Variants in IMMP2L observed in about 807,000 individuals in gnomAD.
IMMP2L encodes inner mitochondrial membrane peptidase subunit 2.
A neutral mutation model predicts 19.3 loss-of-function variants in IMMP2L; 18 were observed. The ratio of observed to expected loss-of-function variants is 0.93; its 90% confidence interval spans 0.64 to 1.38. IMMP2L has a LOEUF of 1.38. Among genes scored for constraint, IMMP2L ranks in the 40% most tolerant of loss-of-function variants. The pLI, the probability that IMMP2L is intolerant of heterozygous loss-of-function variation, is 0.00. For missense variants in IMMP2L, 233 were observed against 218.2 expected (o/e 1.07, Z -0.43); for synonymous variants, 76 against 73.0 (o/e 1.04, Z -0.21).
intron 3 of IMMP2L, among the ~76,000 whole-genome samples, chr7:111,066,405 A>T (rs1794502649): frequency 6.6e-6 from 1 of 152,230 alleles, no homozygotes; most frequent in African/African-American, 2.4e-5. Context: ...ATTTTAAAAT[A>T]TGAAAATATT....
chr7:111,387,975 T>TAAAAAAAAAAAAA (rs750267136), intron 3 of IMMP2L, among the ~76,000 whole-genome samples: 5 of 93,410 alleles, frequency 5.4e-5, no homozygotes, highest in African/African-American at 2.3e-4. Flanking sequence ...ACTCTGTCTT[T>TAAAAAAAAAAAAA]AAAAAAAAAA....
At chr7:111,391,221 C>T (rs1341683800) in intron 3 of IMMP2L, among the ~76,000 whole-genome samples, 1 of 152,044 alleles carries the variant, frequency 6.6e-6, no homozygotes, top group Admixed American at 6.6e-5. Flanking sequence ...GCATCAGGAG[C>T]AGCTCTCTTG....
At position 110,671,752 on chromosome 7, in the gene IMMP2L, T is replaced by C. The variant is rs1463947223; in HGVS notation, c.409-8031A>G. ...CTTGGCTTCAGGTAGTTTCACCCTC[T>C]CTTGAGGGAAAGGCTTGCAAGGACA... is the stretch of plus-strand genomic sequence containing the variant. On this transcript the variant is annotated intron_variant, in intron 5 of 5. Coordinates refer to ENST00000405709, the MANE Select transcript of IMMP2L (RefSeq NM_032549.4). Among the ~76,000 whole-genome samples, 3 of 151,982 alleles carry C rather than the reference T, an allele frequency of 2.0e-5. No individual in the cohort carries two copies. In the East Asian group the frequency reaches 5.8e-4, roughly 29 times the overall value.
intron 3 of IMMP2L, among the ~76,000 whole-genome samples, chr7:111,184,201 T>A (rs546188712): frequency 6.6e-6 from 1 of 152,112 alleles, no homozygotes; most frequent in African/African-American, 2.4e-5. Flanking sequence ...AGAAAAATTA[T>A]AATTATATCA....
intron 3 of IMMP2L, among the ~76,000 whole-genome samples, chr7:111,403,938 C>A (rs1308306429): frequency 6.6e-6 from 1 of 151,992 alleles, no homozygotes; most frequent in Non-Finnish European, 1.5e-5. Context: ...ATTTTTCTAA[C>A]CTATATATTA....
chr7:110,827,771 A>G (rs1325746204), intron 5 of IMMP2L, among the ~76,000 whole-genome samples: 1 of 152,146 alleles, frequency 6.6e-6, no homozygotes, highest in Non-Finnish European at 1.5e-5. Context: ...ATACTTGAAT[A>G]CAGCTATTGT....
intron 5 of IMMP2L, among the ~76,000 whole-genome samples, chr7:110,735,976 C>T (rs536402580): frequency 6.7e-6 from 1 of 150,012 alleles, no homozygotes; most frequent in South Asian, 2.1e-4. Context: ...TTTCAAAAAA[C>T]AGCCCAGGGC....
intron 3 of IMMP2L, among the ~76,000 whole-genome samples, chr7:111,187,332 C>T (rs921677721): frequency 6.6e-6 from 1 of 152,114 alleles, no homozygotes; most frequent in Non-Finnish European, 1.5e-5. Context: ...GGCCACCAGG[C>T]TCTCCCTTTT....
chr7:111,117,935 C>A (rs1021605050), intron 3 of IMMP2L, among the ~76,000 whole-genome samples: 1 of 152,092 alleles, frequency 6.6e-6, no homozygotes, highest in African/African-American at 2.4e-5. Flanking sequence ...TGTTCTTAAG[C>A]TTTAGCATTG....
intron 3 of IMMP2L, chr7:111,483,598 T>C (rs911157212): frequency 2.6e-5 from 4 of 152,060 alleles, no homozygotes; most frequent in African/African-American, 9.7e-5. Context: ...AAGAAAGATA[T>C]GCAAAAAAAT....
At chr7:111,014,678 G>A (rs1454771784) in intron 3 of IMMP2L, among the ~76,000 whole-genome samples, 1 of 152,056 alleles carries the variant, frequency 6.6e-6, no homozygotes, top group South Asian at 2.1e-4. Flanking sequence ...TATATTTGAT[G>A]AGGGGCTAAT....
intron 3 of IMMP2L, among the ~76,000 whole-genome samples, chr7:111,125,721 GATTAA>G (rs967029243): frequency 6.7e-6 from 1 of 149,532 alleles, no homozygotes; most frequent in Non-Finnish European, 1.5e-5. Flanking sequence ...TTTTGGAGTA[GATTAA>G]ATTATTAGGT....
At chr7:111,067,448 A>C (rs1794607658) in intron 3 of IMMP2L, among the ~76,000 whole-genome samples, 1 of 152,154 alleles carries the variant, frequency 6.6e-6, no homozygotes, top group Non-Finnish European at 1.5e-5. Context: ...CGGGAGGGAG[A>C]ACCTAGCATT....
intron 3 of IMMP2L, among the ~76,000 whole-genome samples, chr7:111,183,405 T>C (rs1807927680): frequency 6.6e-6 from 1 of 152,118 alleles, no homozygotes; most frequent in Admixed American, 6.6e-5. Context: ...TAATTGCCTC[T>C]GACTAATTAT....
chr7:111,406,350 C>A (rs1272423083), intron 3 of IMMP2L, among the ~76,000 whole-genome samples: 1 of 152,044 alleles, frequency 6.6e-6, no homozygotes, highest in African/African-American at 2.4e-5. Flanking sequence ...AATGCTACCA[C>A]CCTAACTCAA....
chr7:110,818,334 A>C (rs1203438496), intron 5 of IMMP2L, among the ~76,000 whole-genome samples: 1 of 152,224 alleles, frequency 6.6e-6, no homozygotes, highest in Non-Finnish European at 1.5e-5. Context: ...AAAAGAAGAC[A>C]TTTATGCAGC....
intron 5 of IMMP2L, among the ~76,000 whole-genome samples, chr7:110,852,838 A>G (rs1806373964): frequency 6.6e-6 from 1 of 152,072 alleles, no homozygotes; most frequent in South Asian, 2.1e-4. Flanking sequence ...ATCTAAGCCC[A>G]CAGCCAGCAT....
chr7:110,909,201 A>G (rs1812777813), intron 4 of IMMP2L, among the ~76,000 whole-genome samples: 1 of 152,162 alleles, frequency 6.6e-6, no homozygotes, highest in Admixed American at 6.5e-5. Flanking sequence ...GTATGAAATG[A>G]GGCAGGAGTG....
intron 4 of IMMP2L, among the ~76,000 whole-genome samples, chr7:110,904,336 T>C (rs1455462125): frequency 1.3e-5 from 2 of 152,180 alleles, no homozygotes; most frequent in African/African-American, 4.8e-5. Flanking sequence ...AAGACCAATG[T>C]CATGAAGTTT....
Sources: gnomAD v4.1 joint callset for allele counts (sites outside exome capture counted in the v4.1 genomes callset) on GRCh38, gnomAD v4.1.1 for gene constraint, MANE v1.5 for transcripts, NCBI Gene and HGNC (gene_info 2026-07-23, HGNC 2026-07-21) for gene names.